KIF13A: variants seen among roughly 807,000 people sequenced by gnomAD.
KIF13A encodes the protein kinesin family member 13A.
In KIF13A, 79 loss-of-function variants were observed where a neutral mutation model predicts 212.2. That is an observed-to-expected ratio of 0.37 (90% CI 0.31 to 0.45). The LOEUF is 0.45. Among genes scored for constraint, KIF13A ranks in the 20% least tolerant of loss-of-function variants. KIF13A has a pLI of 1.00. For synonymous variants in KIF13A, 789 were observed against 808.6 expected, an observed-to-expected ratio of 0.98 and a Z score of 0.41; for missense variants, 1,901 against 2,209.0, an observed-to-expected ratio of 0.86 and a Z score of 2.79.
chr6:17,986,340 C>A (rs1781548256), intron 2 of KIF13A, among the ~76,000 whole-genome samples: 1 of 152,150 alleles, frequency 6.6e-6, no homozygotes, highest in Non-Finnish European at 1.5e-5. Context: ...TTGCATGGAA[C>A]AGAACGGAAT....
At position 17,834,010 on chromosome 6, in the gene KIF13A, A is replaced by G; in HGVS notation, c.1217T>C (p.Leu406Pro). ...LEESEKLIKE[L>P]TVTWEEKLRK... ...CAGCTTCTCTTCCCAAGTCACTGTT[A>G]GTTCTTTTATCAGCTTTTCAGACTC... Residue 406 changes from leucine (L) to proline (P), a missense_variant, in exon 12 of 39, where the codon CTA becomes CCA. Transcript: ENST00000259711. This position sits in a 1 kb window ranked among gnomAD's most constrained non-coding sequence, Gnocchi z 4.0. 1 of 1,604,458 alleles carries G rather than the reference A, an allele frequency of 6.2e-7. No individual in the cohort carries two copies. Among genetic ancestry groups the G allele is most frequent in the Non-Finnish European group, 8.5e-7 (1 of 1,177,858 alleles).
At chr6:17,960,745 C>A (rs1395955531) in intron 2 of KIF13A, among the ~76,000 whole-genome samples, 2 of 152,028 alleles carry the variant, frequency 1.3e-5, no homozygotes, top group African/African-American at 2.4e-5. Flanking sequence ...ATATTCCCAG[C>A]AGAATAAAGG....
At chr6:17,950,748 A>T in intron 2 of KIF13A, 7 of 981,724 alleles carry the variant, frequency 7.1e-6, no homozygotes, top group Non-Finnish European at 8.5e-6. Flanking sequence ...AAAGATACTT[A>T]GAAATAACCC....
At chr6:17,964,958 A>T (rs1028926167) in intron 2 of KIF13A, among the ~76,000 whole-genome samples, 4 of 151,972 alleles carry the variant, frequency 2.6e-5, no homozygotes, top group African/African-American at 9.7e-5. Context: ...GAGTAGCTGG[A>T]TTACAAGCGC....
intron 12 of KIF13A, among the ~76,000 whole-genome samples, chr6:17,833,040 A>AAAAAAAAAAT (rs1765596119): frequency 6.8e-6 from 1 of 148,020 alleles, no homozygotes; most frequent in African/African-American, 2.5e-5. Context: ...AAAAAAAAAA[A>AAAAAAAAAAT]AAATCACAAG....
In KIF13A at chr6:17,912,153, C is replaced by CCCA. The variant is rs1215551886; in HGVS notation, c.147-13976_147-13974dup. On this transcript the variant is annotated intron_variant, in intron 2 of 38. Coordinates refer to ENST00000259711, the MANE Select transcript of KIF13A (RefSeq NM_022113.6). The surrounding 1 kb of genome is among the most constrained non-coding windows in gnomAD (Gnocchi z 4.2). Reference sequence around the variant, plus strand: ...GATAAATGCTTGAGGGGATGGATACCCCATTCTCCATGATGTGATTATTAC... The same window carrying CCCA: ...GATAAATGCTTGAGGGGATGGATACCCCACCATTCTCCATGATGTGATTATTAC... Among the ~76,000 whole-genome samples the CCCA allele has an allele frequency of 2.6e-5, 4 of 151,986 alleles. No homozygotes were observed. Among genetic ancestry groups the CCCA allele is most frequent in the Admixed American group, 6.6e-5 (1 of 15,262 alleles).
intron 2 of KIF13A, among the ~76,000 whole-genome samples, chr6:17,975,036 G>A (rs1191996753): frequency 6.6e-6 from 1 of 152,092 alleles, no homozygotes; most frequent in African/African-American, 2.4e-5. Flanking sequence ...CCATCACCTG[G>A]GAACTTGTTA....
intron 20 of KIF13A, among the ~76,000 whole-genome samples, chr6:17,802,205 A>C (rs1182009356): frequency 6.6e-6 from 1 of 152,212 alleles, no homozygotes; most frequent in African/African-American, 2.4e-5. Flanking sequence ...TTACTCGATG[A>C]TATCTGAGAA....
At chr6:17,804,714 G>C (rs1347575206) in intron 19 of KIF13A, among the ~76,000 whole-genome samples, 1 of 149,498 alleles carries the variant, frequency 6.7e-6, no homozygotes, top group African/African-American at 2.5e-5. Flanking sequence ...TCAGGAGGCT[G>C]GGGCACGAGA....
intron 38 of KIF13A, among the ~76,000 whole-genome samples, chr6:17,765,151 C>A (rs1460664580): frequency 6.6e-6 from 1 of 152,122 alleles, no homozygotes; most frequent in Non-Finnish European, 1.5e-5. Context: ...AATATAAACC[C>A]CTTATCATCT....
In KIF13A at chr6:17,843,570, T is replaced by C. The variant is rs192818683; in HGVS notation, c.830+5807A>G. 2.6e-4 allele frequency among the ~76,000 whole-genome samples: 40 copies of C among 152,348 alleles called. 1 individual carries two copies. Among genetic ancestry groups the C allele is most frequent in the Admixed American group, 2.1e-3 (32 of 15,306 alleles). On this transcript the variant is annotated intron_variant, in intron 9 of 38. Coordinates refer to ENST00000259711, the MANE Select transcript of KIF13A (RefSeq NM_022113.6). This position sits in a 1 kb window ranked among gnomAD's most constrained non-coding sequence, Gnocchi z 5.3. ...GATATGGATACGATGTTTGGAATGA[T>C]AGAGCTATCCTGAGATCATGAAGAT...
At chr6:17,817,768 A>G (rs115836821) in intron 16 of KIF13A, among the ~76,000 whole-genome samples, 3,230 of 152,322 alleles carry the variant, frequency 0.021, 46 homozygotes, top group Non-Finnish European at 0.034. Flanking sequence ...GTTTGAAAAT[A>G]TTGCTTAAGG....
intron 6 of KIF13A, among the ~76,000 whole-genome samples, chr6:17,853,225 G>A (rs983785448): frequency 1.3e-5 from 2 of 152,050 alleles, no homozygotes; most frequent in South Asian, 2.1e-4. Context: ...TTTTAAAGAC[G>A]AAGAATTCAA....
In KIF13A at chr6:17,838,275, C is replaced by T. The variant is rs1270305175; in HGVS notation, c.831-692G>A. Among the ~76,000 whole-genome samples, 3 of 150,536 alleles carry T rather than the reference C, an allele frequency of 2.0e-5. No individual in the cohort carries two copies. Among genetic ancestry groups the T allele is most frequent in the South Asian group, 2.1e-4 (1 of 4,686 alleles). ...GGCGGAGGCTGCAGTGAGCCAAGAT[C>T]GCGCCACTGTACTCCAGCCTGGGCG... is the stretch of plus-strand genomic sequence containing the variant. On this transcript the variant is annotated intron_variant, in intron 9 of 38. Coordinates refer to ENST00000259711, the MANE Select transcript of KIF13A (RefSeq NM_022113.6). The surrounding 1 kb of genome is among the most constrained non-coding windows in gnomAD (Gnocchi z 4.2).
rs1772142197 is a variant in KIF13A at position 17,892,357 on chromosome 6, T to C, written c.159+5811A>G. Reference sequence around the variant, plus strand: ...CTGTGCAAACCCTTATTTCCTTTTTTTCTGATGTATTTTACTGAATACTAC... The same window carrying C: ...CTGTGCAAACCCTTATTTCCTTTTTCTCTGATGTATTTTACTGAATACTAC... On this transcript the variant is annotated intron_variant, in intron 3 of 38. Transcript: ENST00000259711. This position sits in a 1 kb window ranked among gnomAD's most constrained non-coding sequence, Gnocchi z 4.7. 6.6e-6 allele frequency among the ~76,000 whole-genome samples: 1 copy of C among 152,230 alleles called. No individual in the cohort carries two copies. The highest frequency in any genetic ancestry group is 2.1e-4 in the South Asian group (1 of 4,832).
At chr6:17,784,652 C>T (rs941056832) in intron 28 of KIF13A, among the ~76,000 whole-genome samples, 6 of 152,126 alleles carry the variant, frequency 3.9e-5, no homozygotes, top group Non-Finnish European at 7.3e-5. Flanking sequence ...ACACTTTACA[C>T]GAGAGAGACT....
chr6:17,970,651 T>C (rs1308980697), intron 2 of KIF13A, among the ~76,000 whole-genome samples: 1 of 152,224 alleles, frequency 6.6e-6, no homozygotes. Flanking sequence ...AATATCTGCG[T>C]CCTGGATAGG....
rs905235415 is a variant in KIF13A at position 17,886,794 on chromosome 6, C to A, written c.159+11374G>T. Among the ~76,000 whole-genome samples, 1 of 151,962 alleles carries A rather than the reference C, an allele frequency of 6.6e-6. No homozygotes were observed. The highest frequency in any genetic ancestry group is 2.4e-5 in the African/African-American group (1 of 41,344). On this transcript the variant is annotated intron_variant, in intron 3 of 38. Transcript: ENST00000259711. The surrounding 1 kb of genome is among the most constrained non-coding windows in gnomAD (Gnocchi z 5.6). ...TCCAGCCTGGGCAACAAGGGCGAAA[C>A]TCCATCTCAAAACAACAACAACAAC...
chr6:17,792,137 A>G (rs1299060849), intron 25 of KIF13A, among the ~76,000 whole-genome samples: 1 of 132,540 alleles, frequency 7.5e-6, no homozygotes, highest in Non-Finnish European at 1.6e-5. Context: ...CAGGAGGCAG[A>G]GGTTACAGTG....
Sources: gnomAD v4.1 joint callset for allele counts (sites outside exome capture counted in the v4.1 genomes callset) on GRCh38, gnomAD v4.1.1 for gene constraint, Gnocchi (gnomAD v3.1) non-coding constraint, MANE v1.5 for transcripts, NCBI Gene and HGNC (gene_info 2026-07-23, HGNC 2026-07-21) for gene names.